Variants in NUP37 observed in about 807,000 individuals in gnomAD.
The protein encoded by NUP37 is nucleoporin Nup37.
NUP37 carries 33 observed loss-of-function variants against 45.4 expected under a neutral mutation model. That is an observed-to-expected ratio of 0.73 (90% CI 0.55 to 0.97). The LOEUF (loss-of-function observed/expected upper bound fraction) is 0.97, where lower values mean the gene tolerates loss of function less well. NUP37 is among the 50% of genes least tolerant of loss of function. The probability of loss-of-function intolerance (pLI) is 0.00; values close to 1 mark genes in which losing one functional copy is unlikely to be tolerated. For missense variants in NUP37, 365 were observed against 389.7 expected (o/e 0.94, Z 0.53); for synonymous variants, 127 against 130.7 (o/e 0.97, Z 0.19).
intron 5 of NUP37, among the ~76,000 whole-genome samples, chr12:102,093,202 A>G (rs1429789057): frequency 3.3e-5 from 5 of 152,122 alleles, no homozygotes; most frequent in African/African-American, 1.2e-4. Flanking sequence ...TTTCATACAG[A>G]ACACTAATAA....
chr12:102,097,414 A>G (rs1333310646), intron 5 of NUP37, among the ~76,000 whole-genome samples: 1 of 152,174 alleles, frequency 6.6e-6, no homozygotes, highest in African/African-American at 2.4e-5. Context: ...TTAGAGTAAT[A>G]ATGTCCTTTC....
At chr12:102,100,503 A>C (rs1291472804) in intron 4 of NUP37, among the ~76,000 whole-genome samples, 1 of 152,210 alleles carries the variant, frequency 6.6e-6, no homozygotes, top group East Asian at 1.9e-4. Flanking sequence ...ATAATCCTAT[A>C]AGGCAGCTGC....
intron 4 of NUP37, among the ~76,000 whole-genome samples, chr12:102,100,218 C>T (rs143166989): frequency 3.5e-4 from 54 of 152,270 alleles, no homozygotes; most frequent in African/African-American, 1.1e-3. Context: ...CCAATCCATA[C>T]AGTACATTAA....
At chr12:102,110,910 T>A (rs979916653) in intron 3 of NUP37, among the ~76,000 whole-genome samples, 7 of 152,140 alleles carry the variant, frequency 4.6e-5, no homozygotes, top group African/African-American at 1.7e-4. Context: ...AAAGACAAAA[T>A]GGTAGAACCA....
chr12:102,107,540 C>CA (rs1427885641), intron 3 of NUP37, among the ~76,000 whole-genome samples: 1 of 152,108 alleles, frequency 6.6e-6, no homozygotes, highest in African/African-American at 2.4e-5. Flanking sequence ...AAGGGTGGTC[C>CA]AAGTGTGCAC....
intron 5 of NUP37, among the ~76,000 whole-genome samples, chr12:102,093,342 A>G (rs976737724): frequency 5.3e-5 from 8 of 152,092 alleles, no homozygotes; most frequent in Non-Finnish European, 1.0e-4. Flanking sequence ...AGCAGAAACT[A>G]CATTTATTAT....
intron 5 of NUP37, among the ~76,000 whole-genome samples, chr12:102,090,389 G>A (rs1010490071): frequency 1.3e-5 from 2 of 152,118 alleles, no homozygotes; most frequent in Admixed American, 6.5e-5. Flanking sequence ...AGAATGAGAA[G>A]GCTATTTTCT....
intron 3 of NUP37, among the ~76,000 whole-genome samples, chr12:102,101,937 C>T (rs1243123434): frequency 6.6e-6 from 1 of 152,080 alleles, no homozygotes; most frequent in African/African-American, 2.4e-5. Context: ...GTTGGCCAGG[C>T]TGGTCTCGAA....
At chr12:102,102,331 A>T (rs535021864) in intron 3 of NUP37, among the ~76,000 whole-genome samples, 1 of 152,292 alleles carries the variant, frequency 6.6e-6, no homozygotes, top group South Asian at 2.1e-4. Flanking sequence ...GATCAAAGCC[A>T]CCAGGGAATG....
chr12:102,110,400 C>T (rs1594400113), intron 3 of NUP37, among the ~76,000 whole-genome samples: 2 of 149,390 alleles, frequency 1.3e-5, no homozygotes, highest in African/African-American at 4.9e-5. Flanking sequence ...ACTTGGGAGG[C>T]GGAGGTGAGA....
At chr12:102,095,337 T>C (rs938620060) in intron 5 of NUP37, among the ~76,000 whole-genome samples, 2 of 152,146 alleles carry the variant, frequency 1.3e-5, no homozygotes, top group African/African-American at 2.4e-5. Flanking sequence ...CACTAGGTCA[T>C]AACTATGAAC....
intron 7 of NUP37, 124 bp from the exon 8 acceptor site, chr12:102,076,971 C>A: frequency 2.9e-6 from 2 of 698,098 alleles, no homozygotes; most frequent in Non-Finnish European, 4.9e-6. Context: ...ATAATAAATC[C>A]TAAACAAGCA....
chr12:102,074,885 A>T, intron 9 of NUP37, 116 bp downstream of exon 9: 1 of 542,156 alleles, frequency 1.8e-6, no homozygotes, highest in Non-Finnish European at 3.1e-6. Context: ...TAAGCAGATA[A>T]CAAACGTAAA....
chr12:102,118,523 T>A lies in NUP37; in HGVS notation c.-5A>T. ...TCTTGAGGCATCTTGCTTCATCTTG[T>A]ATGTCAAAATTCAAGCAGTTGTGAA... is the stretch of plus-strand genomic sequence containing the variant. On this transcript the variant is annotated 5_prime_UTR_variant, in exon 2 of 10. Transcript: ENST00000552283. 6.2e-7 allele frequency: 1 copy of A among 1,605,352 alleles called. No homozygotes were observed.
chr12:102,099,266 A>G, intron 4 of NUP37, 66 bp from the exon 5 acceptor site: 1 of 1,135,654 alleles, frequency 8.8e-7, no homozygotes, highest in Non-Finnish European at 1.3e-6. Context: ...ATTCCTACAT[A>G]ATATTTTTGC....
At chr12:102,085,893 T>C (rs1275882477) in intron 5 of NUP37, 37 bp from the exon 6 acceptor site, 1 of 977,432 alleles carries the variant, frequency 1.0e-6, no homozygotes, top group African/African-American at 1.7e-5. Context: ...TAATTGTTCT[T>C]GATATATCAT....
intron 4 of NUP37, among the ~76,000 whole-genome samples, chr12:102,099,457 C>A (rs180965696): frequency 1.0e-5 from 1 of 99,810 alleles, no homozygotes; most frequent in Non-Finnish European, 2.3e-5. Context: ...CTTACAAAAA[C>A]ACACACACAC....
chr12:102,115,826 C>CA (rs1056921667), intron 2 of NUP37: 46 of 982,034 alleles, frequency 4.7e-5, no homozygotes, highest in Non-Finnish European at 5.1e-5. Context: ...TCTCTCAAGA[C>CA]AAGAGGCATG....
chr12:102,092,752 G>A (rs936583187), intron 5 of NUP37, among the ~76,000 whole-genome samples: 3 of 152,114 alleles, frequency 2.0e-5, no homozygotes, highest in Non-Finnish European at 4.4e-5. Context: ...GTATGGGTAG[G>A]TTAGAGTTGG....
Sources: allele counts gnomAD v4.1 joint callset (sites outside exome capture counted in the v4.1 genomes callset), GRCh38; gene constraint gnomAD v4.1.1; transcripts MANE v1.5; gene names NCBI Gene and HGNC (gene_info 2026-07-23, HGNC 2026-07-21).